The following NCOA7 variants were observed in gnomAD, a reference collection of about 807,000 sequenced individuals.
NCOA7 encodes the protein 140 kDa estrogen receptor-associated protein.
In NCOA7, 45 loss-of-function variants were observed where a neutral mutation model predicts 104.3. That is an observed-to-expected ratio of 0.43 (90% CI 0.34 to 0.55). NCOA7 has a LOEUF of 0.55. Among genes scored for constraint, NCOA7 ranks in the 20% least tolerant of loss-of-function variants. NCOA7 has a pLI of 0.02. For missense variants in NCOA7, 1,041 were observed against 1,119.7 expected (o/e 0.93, Z 1.00); for synonymous variants, 398 against 402.3 (o/e 0.99, Z 0.13).
chr6:125,917,005 G>A (rs1054828504), intron 11 of NCOA7, among the ~76,000 whole-genome samples: 11 of 151,988 alleles, frequency 7.2e-5, no homozygotes, highest in African/African-American at 2.2e-4. Context: ...GGACTGTGGG[G>A]CTGTATAACT....
chr6:125,820,599 T>C (rs1433131512), intron 2 of NCOA7, among the ~76,000 whole-genome samples: 1 of 152,236 alleles, frequency 6.6e-6, no homozygotes, highest in African/African-American at 2.4e-5. Context: ...GAAACCAAGA[T>C]GGCTATGAAG....
intron 2 of NCOA7, among the ~76,000 whole-genome samples, chr6:125,815,713 C>T (rs1210999540): frequency 6.6e-6 from 1 of 152,186 alleles, no homozygotes; most frequent in Non-Finnish European, 1.5e-5. Context: ...ATTTTAAATC[C>T]TAAGTGCTTT....
intron 11 of NCOA7, among the ~76,000 whole-genome samples, chr6:125,918,949 G>A (rs1186416366): frequency 2.6e-5 from 4 of 151,566 alleles, no homozygotes; most frequent in African/African-American, 9.7e-5. Flanking sequence ...GCTGGGGGCG[G>A]GGGAGAAAAA....
chr6:125,817,949 T>C (rs1777744850), intron 2 of NCOA7, among the ~76,000 whole-genome samples: 1 of 152,090 alleles, frequency 6.6e-6, no homozygotes, highest in African/African-American at 2.4e-5. Flanking sequence ...TAGGTCAAAA[T>C]GGTGGTCATG....
At chr6:125,837,821 T>C (rs1779756169) in intron 2 of NCOA7, among the ~76,000 whole-genome samples, 1 of 152,208 alleles carries the variant, frequency 6.6e-6, no homozygotes, top group South Asian at 2.1e-4. Context: ...TACGATATAC[T>C]ATTTAAAAAT....
intron 1 of NCOA7, among the ~76,000 whole-genome samples, chr6:125,800,508 G>A (rs1016617005): frequency 6.6e-6 from 1 of 152,220 alleles, no homozygotes; most frequent in Non-Finnish European, 1.5e-5. Flanking sequence ...TAAAAGGCAA[G>A]ACCTTACCGT....
intron 11 of NCOA7, 53 bp from the exon 12 acceptor site, chr6:125,920,890 A>T: frequency 1.3e-6 from 2 of 1,592,730 alleles, no homozygotes; most frequent in Non-Finnish European, 1.7e-6. Flanking sequence ...TTAAATTAGC[A>T]GTTAGAAGAA....
chr6:125,926,421 G>A (rs1788041793), intron 13 of NCOA7, among the ~76,000 whole-genome samples: 1 of 152,012 alleles, frequency 6.6e-6, no homozygotes, highest in South Asian at 2.1e-4. Context: ...ATCAGAGAGG[G>A]AACTCATTTT....
intron 10 of NCOA7, among the ~76,000 whole-genome samples, chr6:125,904,705 G>T (rs1785812541): frequency 6.6e-6 from 1 of 152,298 alleles, no homozygotes; most frequent in South Asian, 2.1e-4. Context: ...AGCCAGAATG[G>T]ACACTGGCTG....
At chr6:125,837,935 G>C (rs1779767347) in intron 2 of NCOA7, among the ~76,000 whole-genome samples, 1 of 152,170 alleles carries the variant, frequency 6.6e-6, no homozygotes, top group Admixed American at 6.5e-5. Flanking sequence ...TTCATGGTCG[G>C]TGTTAAAAAG....
At chr6:125,865,922 A>C (rs1782409902) in intron 3 of NCOA7, among the ~76,000 whole-genome samples, 1 of 137,290 alleles carries the variant, frequency 7.3e-6, no homozygotes, top group Admixed American at 6.9e-5. Flanking sequence ...TCCTGTCCTC[A>C]AGCAGTCCTC....
At chr6:125,881,772 T>TAAA (rs1242478250) in intron 6 of NCOA7, among the ~76,000 whole-genome samples, 1 of 146,682 alleles carries the variant, frequency 6.8e-6, no homozygotes, top group African/African-American at 2.5e-5. Context: ...CTCCTTTTTT[T>TAAA]AAAAAAAAAA....
intron 10 of NCOA7, chr6:125,913,629 A>G: frequency 1.0e-6 from 1 of 982,612 alleles, no homozygotes; most frequent in Non-Finnish European, 1.2e-6. Flanking sequence ...GTTTTAGGTA[A>G]CAACAGTCCA....
intron 1 of NCOA7, among the ~76,000 whole-genome samples, chr6:125,813,649 T>A (rs975303572): frequency 1.3e-5 from 2 of 151,626 alleles, no homozygotes; most frequent in Non-Finnish European, 2.9e-5. Flanking sequence ...GGGGTTTCAC[T>A]ATGTTGGCCA....
intron 2 of NCOA7, among the ~76,000 whole-genome samples, chr6:125,825,761 C>T (rs972198458): frequency 1.1e-4 from 16 of 151,880 alleles, no homozygotes; most frequent in African/African-American, 3.1e-4. Flanking sequence ...GGGGGATGGG[C>T]GGGGAGATAG....
At chr6:125,815,162 T>C (rs1160532743) in intron 1 of NCOA7, 129 bp from the exon 2 acceptor site, 3 of 406,498 alleles carry the variant, frequency 7.4e-6, no homozygotes, top group Non-Finnish European at 8.8e-6. Flanking sequence ...ATTTGACTCA[T>C]GTGACTGTTT....
At chr6:125,836,775 CCTT>C (rs1419921671) in intron 2 of NCOA7, among the ~76,000 whole-genome samples, 1 of 152,134 alleles carries the variant, frequency 6.6e-6, no homozygotes, top group East Asian at 1.9e-4. Context: ...AATTACCTTG[CCTT>C]TTATCAACAA....
At chr6:125,859,494 G>A (rs1441104280) in intron 3 of NCOA7, among the ~76,000 whole-genome samples, 4 of 152,034 alleles carry the variant, frequency 2.6e-5, no homozygotes, top group East Asian at 3.9e-4. Flanking sequence ...TGAATGTATC[G>A]AAAAAAAGAC....
chr6:125,803,573 A>G (rs1457202857), intron 1 of NCOA7, among the ~76,000 whole-genome samples: 3 of 152,300 alleles, frequency 2.0e-5, no homozygotes, highest in Non-Finnish European at 2.9e-5. Context: ...AAAAATGATA[A>G]TTCAGTTATT....
Sources: gnomAD v4.1 joint callset for allele counts (sites outside exome capture counted in the v4.1 genomes callset) on GRCh38, gnomAD v4.1.1 for gene constraint, MANE v1.5 for transcripts, NCBI Gene and HGNC (gene_info 2026-07-23, HGNC 2026-07-21) for gene names.